The following MACROH2A1 variants were observed in gnomAD, a reference collection of about 807,000 sequenced individuals.
The protein encoded by MACROH2A1 is macroH2A.1 histone, also known as core histone macro-H2A.1.
In MACROH2A1, 2 loss-of-function variants were observed where a neutral mutation model predicts 31.6. That is an observed-to-expected ratio of 0.06 (90% CI 0.03 to 0.20). The LOEUF (loss-of-function observed/expected upper bound fraction) is 0.20. Ranked by LOEUF, MACROH2A1 falls within the 10% of genes least tolerant of loss-of-function variation. The pLI, the probability that MACROH2A1 is intolerant of heterozygous loss-of-function variation, is 1.00. For synonymous variants in MACROH2A1, 169 were observed against 189.6 expected (o/e 0.89, Z 0.89); for missense variants, 230 against 474.0 (o/e 0.49, Z 4.78).
rs1257063624 is a variant in MACROH2A1, at chr5:135,398,952, C to A, written c.-34+110G>T. On this transcript the variant is annotated intron_variant, in intron 1 of 8. Transcript: ENST00000511689. This position sits in a 1 kb window ranked among gnomAD's most constrained non-coding sequence, Gnocchi z 4.6. The stretch of plus-strand genomic sequence containing the variant: ...CACACCGAACCCGGCGGCCCGAGCC[C>A]GGCCCGCACCACACCGGTGCGCGCC... 2 of 149,994 alleles carry A rather than the reference C, an allele frequency of 1.3e-5. No individual in the cohort carries two copies. Among genetic ancestry groups the A allele is most frequent in the Admixed American group, 6.6e-5 (1 of 15,098 alleles). The allele number at this position is 149,994 out of a possible 1,614,324, so 9.3% of individuals were successfully genotyped here.
At chr5:135,394,485 C>A (rs1767689822) in intron 1 of MACROH2A1, among the ~76,000 whole-genome samples, 1 of 152,240 alleles carries the variant, frequency 6.6e-6, no homozygotes, top group Admixed American at 6.5e-5. Context: ...GGATGAATTT[C>A]TCCCTCCCAG....
In MACROH2A1 at chr5:135,351,543, A is replaced by ATTTTTTTTTTTTTTTTTTT. The variant is rs57605717; in HGVS notation, c.688+1384_688+1402dup. 8 of 48,496 alleles carry ATTTTTTTTTTTTTTTTTTT rather than the reference A, an allele frequency of 1.6e-4. 1 individual carries two copies. Among genetic ancestry groups the ATTTTTTTTTTTTTTTTTTT allele is most frequent in the Non-Finnish European group, 2.8e-4 (7 of 24,960 alleles). The allele number at this position is 48,496 out of a possible 1,614,324, so 3.0% of individuals were successfully genotyped here. Reference sequence around the variant, plus strand: ...TAGCCTATCTTATTTTTATGGTTTAATTTTTTTTTTTTTTTTTTTTTTTTT... The same window carrying ATTTTTTTTTTTTTTTTTTT: ...TAGCCTATCTTATTTTTATGGTTTAATTTTTTTTTTTTTTTTTTTTTTTTTTTTTTTTTTTTTTTTTTTT... On this transcript the variant is annotated intron_variant, in intron 6 of 8. Coordinates refer to ENST00000511689, the MANE Select transcript of MACROH2A1 (RefSeq NM_138610.3).
chr5:135,365,083 G>A (rs915022841), intron 4 of MACROH2A1, among the ~76,000 whole-genome samples: 4 of 152,192 alleles, frequency 2.6e-5, no homozygotes, highest in African/African-American at 7.2e-5. Context: ...TCCCCTGAAA[G>A]TTATCCTATG....
chr5:135,398,902 G>A lies in MACROH2A1; in HGVS notation c.-34+160C>T, dbSNP rs1043677660. The stretch of plus-strand genomic sequence containing the variant: ...CCGACAAGGCCTGGGAGGACGTAGT[G>A]CACGCGCGAGGACCCGGCGTGGGCC... On this transcript the variant is annotated intron_variant, in intron 1 of 8. Transcript: ENST00000511689. This position sits in a 1 kb window ranked among gnomAD's most constrained non-coding sequence, Gnocchi z 4.6. 1.3e-5 allele frequency among the ~76,000 whole-genome samples: 2 copies of A among 149,854 alleles called. No individual in the cohort carries two copies. The highest frequency in any genetic ancestry group is 1.5e-5 in the Non-Finnish European group (1 of 67,344).
At chr5:135,365,549 AG>A (rs1003761296) in intron 4 of MACROH2A1, among the ~76,000 whole-genome samples, 8 of 152,244 alleles carry the variant, frequency 5.3e-5, no homozygotes, top group African/African-American at 1.9e-4. Context: ...GAGGGAAGGC[AG>A]GGACTTTGTT....
At chr5:135,370,868 C>A (rs935811155) in intron 2 of MACROH2A1, among the ~76,000 whole-genome samples, 3 of 152,110 alleles carry the variant, frequency 2.0e-5, no homozygotes, top group African/African-American at 7.2e-5. Context: ...ATCAGACACA[C>A]GGGATTATTT....
intron 2 of MACROH2A1, among the ~76,000 whole-genome samples, chr5:135,377,879 C>G (rs902011063): frequency 2.6e-5 from 4 of 152,100 alleles, no homozygotes; most frequent in South Asian, 4.1e-4. Flanking sequence ...TCTGAGCATG[C>G]GAAGACTTTC....
chr5:135,348,634 G>A (rs908928936), intron 6 of MACROH2A1, among the ~76,000 whole-genome samples: 12 of 152,222 alleles, frequency 7.9e-5, no homozygotes, highest in Non-Finnish European at 2.9e-5. Context: ...GGAACCAATT[G>A]AGGCCATGTA....
At chr5:135,385,215 A>G (rs1044605915) in intron 2 of MACROH2A1, among the ~76,000 whole-genome samples, 3 of 152,238 alleles carry the variant, frequency 2.0e-5, no homozygotes, top group African/African-American at 7.2e-5. Flanking sequence ...GGCCATGCAG[A>G]GAAGAAAACA....
rs368794021 is a variant in MACROH2A1, at chr5:135,398,583, C to T, written c.-34+479G>A. Among the ~76,000 whole-genome samples, 1 of 152,324 alleles carries T rather than the reference C, an allele frequency of 6.6e-6. No homozygotes were observed. Among genetic ancestry groups the T allele is most frequent in the South Asian group, 2.1e-4 (1 of 4,826 alleles). On this transcript the variant is annotated intron_variant, in intron 1 of 8. Coordinates refer to ENST00000511689, the MANE Select transcript of MACROH2A1 (RefSeq NM_138610.3). This position sits in a 1 kb window ranked among gnomAD's most constrained non-coding sequence, Gnocchi z 4.6. ...ACCTCGGCCCCCCGGGGCTCGGGCC[C>T]GACTTATTGTGCCGGGGCCGGCAAC...
chr5:135,358,942 T>G, intron 5 of MACROH2A1: 3 of 985,436 alleles, frequency 3.0e-6, no homozygotes, highest in Non-Finnish European at 3.6e-6. Flanking sequence ...CTGTGGTGTT[T>G]GCCCCCTCCC....
chr5:135,388,067 A>G (rs1581353973), intron 2 of MACROH2A1, among the ~76,000 whole-genome samples: 4 of 148,444 alleles, frequency 2.7e-5, no homozygotes, highest in Admixed American at 6.6e-5. Flanking sequence ...AAAAAAAAAC[A>G]GAGGAAGGGC....
In MACROH2A1 at chr5:135,370,102, G is replaced by A; in HGVS notation, c.213C>T (p.Asn71=). 6.2e-7 allele frequency: 1 copy of A among 1,613,774 alleles called. No individual in the cohort carries two copies. Among genetic ancestry groups the A allele is most frequent in the Non-Finnish European group, 8.5e-7 (1 of 1,179,822 alleles). ...GCCGGGGTGTGACCCGTCCCTTCTT[G>A]TTGTCTCTCGCTGCATTGCCAGCCA... ...LELAGNAARD[N]KKGRVTPRHI... The change falls in exon 3 of 9, where the codon AAC becomes AAT. Residue 71 remains asparagine (N), a synonymous_variant. Coordinates refer to ENST00000511689, the MANE Select transcript of MACROH2A1 (RefSeq NM_138610.3).
At chr5:135,353,304 G>A in intron 5 of MACROH2A1, 1 of 448,994 alleles carries the variant, frequency 2.2e-6, no homozygotes, top group South Asian at 2.7e-5. Flanking sequence ...AGCCACAGTG[G>A]ACGAGGAGAT....
chr5:135,399,374 C>T (rs534779909), upstream of MACROH2A1: 4 of 152,418 alleles, frequency 2.6e-5, no homozygotes, highest in Admixed American at 6.5e-5. The surrounding 1 kb of genome is among the most constrained non-coding windows in gnomAD (Gnocchi z 4.5). Context: ...CCGTTGACGC[C>T]GGCCGCTCTG....
At chr5:135,354,094 G>A (rs1199114384) in intron 5 of MACROH2A1, 1 of 152,232 alleles carries the variant, frequency 6.6e-6, no homozygotes, top group African/African-American at 2.4e-5. Flanking sequence ...AGCAGAGCTG[G>A]TGCTCAAGAC....
chr5:135,340,250 C>CAGTTTCTTTGCCCTTGAAAGGAATA (rs1434890540), intron 8 of MACROH2A1, among the ~76,000 whole-genome samples: 2 of 152,178 alleles, frequency 1.3e-5, no homozygotes, highest in African/African-American at 4.8e-5. Flanking sequence ...CTCTATGCTT[C>CAGTTTCTTTGCCCTTGAAAGGAATA]AGTTTCTTTG....
intron 5 of MACROH2A1, chr5:135,360,176 G>T: frequency 2.9e-6 from 1 of 347,824 alleles, no homozygotes; most frequent in Non-Finnish European, 5.4e-6. Flanking sequence ...TCCCTGGCTG[G>T]TGCTATCTGA....
chr5:135,368,431 C>T (rs1763788943), intron 4 of MACROH2A1, among the ~76,000 whole-genome samples: 1 of 152,242 alleles, frequency 6.6e-6, no homozygotes, highest in Non-Finnish European at 1.5e-5. Context: ...TCATTAGATT[C>T]CACAGATGCA....
Sources: allele counts gnomAD v4.1 joint callset (sites outside exome capture counted in the v4.1 genomes callset), GRCh38; gene constraint gnomAD v4.1.1; non-coding constraint Gnocchi (gnomAD v3.1); transcripts MANE v1.5; gene names NCBI Gene and HGNC (gene_info 2026-07-23, HGNC 2026-07-21).